The following OIT3 variants were observed in gnomAD, a reference collection of about 807,000 sequenced individuals.
The protein encoded by OIT3 is oncoprotein-induced transcript 3 protein.
OIT3 carries 41 observed loss-of-function variants against 52.2 expected under a neutral mutation model. The observed-to-expected ratio is 0.79, with a 90% CI of 0.61 to 1.02. The LOEUF is 1.02. OIT3 is among the 50% of genes least tolerant of loss of function. The pLI is 0.00. For missense variants in OIT3, 634 were observed against 715.5 expected (o/e 0.89, Z 1.30); for synonymous variants, 244 against 276.9 (o/e 0.88, Z 1.18).
intron 7 of OIT3, among the ~76,000 whole-genome samples, chr10:72,925,299 G>T (rs935418401): frequency 2.6e-5 from 4 of 152,170 alleles, no homozygotes; most frequent in African/African-American, 9.7e-5. Flanking sequence ...TCTAGGAAGA[G>T]AAATTCAGTG....
intron 7 of OIT3, among the ~76,000 whole-genome samples, chr10:72,925,911 C>A (rs1352062386): frequency 6.6e-6 from 1 of 152,236 alleles, no homozygotes; most frequent in Non-Finnish European, 1.5e-5. Context: ...TTGGCCCCTG[C>A]ACTTGTTTTA....
chr10:72,926,423 C>A (rs1846170456), intron 7 of OIT3, among the ~76,000 whole-genome samples: 1 of 152,194 alleles, frequency 6.6e-6, no homozygotes, highest in African/African-American at 2.4e-5. Context: ...TATCTTTCAC[C>A]TGGACAGCAA....
At chr10:72,923,467 T>A (rs1280560966) in intron 6 of OIT3, among the ~76,000 whole-genome samples, 1 of 152,040 alleles carries the variant, frequency 6.6e-6, no homozygotes, top group East Asian at 1.9e-4. Flanking sequence ...AAAGAAGCAG[T>A]CTAGCCCTGC....
At chr10:72,927,155 TTGAGACAGAGTCTCACTC>T (rs1245084318) in intron 7 of OIT3, among the ~76,000 whole-genome samples, 1 of 152,202 alleles carries the variant, frequency 6.6e-6, no homozygotes, top group Non-Finnish European at 1.5e-5. Context: ...TATTTCCTTT[TTGAGACAGAGTCTCACTC>T]TGTAGCTCAG....
intron 7 of OIT3, among the ~76,000 whole-genome samples, chr10:72,927,854 G>T (rs1564597084): frequency 6.6e-6 from 1 of 152,194 alleles, no homozygotes; most frequent in Non-Finnish European, 1.5e-5. Context: ...GATTCATGGA[G>T]GGTTTACTTC....
intron 3 of OIT3, among the ~76,000 whole-genome samples, chr10:72,903,064 G>A (rs947028757): frequency 1.3e-5 from 2 of 151,998 alleles, no homozygotes; most frequent in African/African-American, 4.8e-5. Context: ...AGTGTTTTGT[G>A]TTTGTAAGCA....
At chr10:72,918,572 A>T (rs1846094492) in intron 6 of OIT3, 3 of 926,786 alleles carry the variant, frequency 3.2e-6, no homozygotes, top group South Asian at 2.6e-5. Context: ...GAGAAGGCGG[A>T]TGGAGATAAA....
chr10:72,904,027 G>C (rs11000442), intron 3 of OIT3, among the ~76,000 whole-genome samples: 7,045 of 152,202 alleles, frequency 0.046, 290 homozygotes, highest in East Asian at 0.22. Flanking sequence ...CCCTGGGCCT[G>C]GTAGTTAAAG....
intron 7 of OIT3, among the ~76,000 whole-genome samples, chr10:72,924,981 G>T (rs531415977): frequency 8.6e-5 from 13 of 151,970 alleles, no homozygotes; most frequent in Admixed American, 8.5e-4. Context: ...TGTGGTGGCA[G>T]GCACCTGTAA....
At chr10:72,899,150 A>G (rs1845904301) in intron 2 of OIT3, 112 bp downstream of exon 2, 2 of 910,144 alleles carry the variant, frequency 2.2e-6, no homozygotes, top group East Asian at 2.4e-5. Context: ...CAATCTGAAC[A>G]ACATTGATGT....
intron 6 of OIT3, chr10:72,918,660 TA>T (rs1404662888): frequency 1.6e-6 from 1 of 614,828 alleles, no homozygotes. Context: ...CATCTTGAGT[TA>T]ATTTTCGTAT....
rs745439072 is a variant in OIT3, at chr10:72,932,496, GC to G, written c.1613del (p.Pro538ArgfsTer11). On this transcript the variant is annotated frameshift_variant, in exon 9 of 9. Transcript: ENST00000334011. LOFTEE classifies it high-confidence loss of function. ...CTACAGGGCCAGACGCTAACAGGCGGCCCGATCCGCATCGACTGGGAGGACT... is the reference window on the plus strand; with the variant it reads ...CTACAGGGCCAGACGCTAACAGGCGGCCGATCCGCATCGACTGGGAGGACT... ...AGLQGQTLTGGPIRIDWED is the reference protein window; with the variant it reads ...AGLQGQTLTGXPIRIDWED 1 of 1,611,410 alleles carries G rather than the reference GC, an allele frequency of 6.2e-7. No homozygotes were observed.
intron 6 of OIT3, among the ~76,000 whole-genome samples, chr10:72,916,154 G>A (rs915268947): frequency 6.6e-6 from 1 of 152,060 alleles, no homozygotes; most frequent in Non-Finnish European, 1.5e-5. Flanking sequence ...TGTCTTTGAA[G>A]CTTAGTTTTA....
chr10:72,900,101 T>G (rs1385285403), intron 2 of OIT3, among the ~76,000 whole-genome samples: 2 of 152,056 alleles, frequency 1.3e-5, no homozygotes, highest in African/African-American at 4.8e-5. Context: ...CCCTGAACAA[T>G]GAGGATTCCC....
chr10:72,909,937 C>T (rs919287730), intron 4 of OIT3, among the ~76,000 whole-genome samples: 20 of 152,226 alleles, frequency 1.3e-4, no homozygotes, highest in African/African-American at 4.3e-4. Flanking sequence ...TGAGCTACCG[C>T]GCCTGACCTG....
At position 72,932,720 on chromosome 10, in the gene OIT3, G is replaced by T; in HGVS notation, c.*196G>T. ...ACAGCACTGCTGAACAATGTGGCCT[G>T]GGTGGGGTTTCATCTTTCTAGGGTT... On this transcript the variant is annotated 3_prime_UTR_variant, in exon 9 of 9. Coordinates refer to ENST00000334011, the MANE Select transcript of OIT3 (RefSeq NM_152635.3). 1 of 496,560 alleles carries T rather than the reference G, an allele frequency of 2.0e-6. No individual in the cohort carries two copies. The highest frequency in any genetic ancestry group is 3.4e-5 in the East Asian group (1 of 29,830). The allele number at this position is 496,560 out of a possible 1,614,324, so 30.8% of individuals were successfully genotyped here.
chr10:72,913,078 G>A (rs1169396758), intron 5 of OIT3, among the ~76,000 whole-genome samples: 2 of 152,174 alleles, frequency 1.3e-5, no homozygotes, highest in Non-Finnish European at 2.9e-5. Context: ...ATTGAAAGTC[G>A]AACCTGGTAT....
At chr10:72,929,354 T>A (rs1846195348) in intron 7 of OIT3, among the ~76,000 whole-genome samples, 1 of 150,456 alleles carries the variant, frequency 6.6e-6, no homozygotes, top group South Asian at 2.1e-4. Context: ...AAGGCAACTA[T>A]GTCCAGAAAA....
rs763097760 is a variant in OIT3, at chr10:72,913,304, G to T, written c.791-4G>T. 2.5e-6 allele frequency: 4 copies of T among 1,572,736 alleles called. No individual in the cohort carries two copies. Among genetic ancestry groups the T allele is most frequent in the Non-Finnish European group, 3.5e-6 (4 of 1,151,224 alleles). ...GCTCTAACAGTGGCCCTTTTTCTCT[G>T]CAGTCCCTGTGTTGTGCAAATCAAA... is the stretch of plus-strand genomic sequence containing the variant. On this transcript the variant is annotated splice_region_variant and splice_polypyrimidine_tract_variant and intron_variant, in intron 5 of 8. Transcript: ENST00000334011.
Sources: allele counts gnomAD v4.1 joint callset (sites outside exome capture counted in the v4.1 genomes callset), GRCh38; gene constraint gnomAD v4.1.1; transcripts MANE v1.5; gene names NCBI Gene and HGNC (gene_info 2026-07-23, HGNC 2026-07-21).